Variants in CTNNA2 observed in about 807,000 individuals in gnomAD.
CTNNA2 encodes the protein catenin alpha 2, also known as catenin alpha-2.
CTNNA2 carries 42 observed loss-of-function variants against 101.0 expected under a neutral mutation model. The ratio of observed to expected loss-of-function variants is 0.42; its 90% CI spans 0.32 to 0.54. The LOEUF (loss-of-function observed/expected upper bound fraction) is 0.54. Ranked by LOEUF, CTNNA2 falls within the 20% of genes least tolerant of loss-of-function variation. The pLI is 0.14. For missense variants in CTNNA2, 871 were observed against 1,223.1 expected (o/e 0.71, Z 4.29); for synonymous variants, 450 against 456.4 (o/e 0.99, Z 0.18).
At chr2:79,221,604 AT>A (rs76220212) in intron 2 of CTNNA2, among the ~76,000 whole-genome samples, 108 of 148,518 alleles carry the variant, frequency 7.3e-4, no homozygotes, top group Middle Eastern at 3.6e-3. Context: ...AGCTTGGCAA[AT>A]TTTTTTTTTT....
chr2:80,584,419 A>G (rs972010201), intron 14 of CTNNA2, among the ~76,000 whole-genome samples: 2 of 100,130 alleles, frequency 2.0e-5, no homozygotes, highest in Admixed American at 2.5e-4. Context: ...ATTCTGAGGG[A>G]GAGGAGATAG....
chr2:79,329,775 T>A (rs1260173670), intron 3 of CTNNA2, among the ~76,000 whole-genome samples: 3 of 152,176 alleles, frequency 2.0e-5, no homozygotes, highest in African/African-American at 7.2e-5. Context: ...AAATAGGGAT[T>A]TGGGAAGTGT....
intron 9 of CTNNA2, among the ~76,000 whole-genome samples, chr2:80,472,059 A>G (rs576466728): frequency 6.6e-6 from 1 of 152,072 alleles, no homozygotes; most frequent in Admixed American, 6.6e-5. Context: ...TCTGGGAGGC[A>G]GAGGTTGCAG....
intron 2 of CTNNA2, among the ~76,000 whole-genome samples, chr2:79,250,251 CAA>C (rs1674753084): frequency 6.0e-5 from 1 of 16,650 alleles, no homozygotes; most frequent in Admixed American, 6.4e-4. Context: ...TTCTATTGTT[CAA>C]CAAGACTTAG....
At chr2:80,424,875 G>T (rs564094228) in intron 9 of CTNNA2, among the ~76,000 whole-genome samples, 7 of 152,314 alleles carry the variant, frequency 4.6e-5, no homozygotes, top group Admixed American at 3.3e-4. Flanking sequence ...TGGGGATGAA[G>T]CTCCAAGCTC....
At position 79,291,124 on chromosome 2, in the gene CTNNA2, GA is replaced by G. The variant is rs1558607736; in HGVS notation, c.-405-21584del. 2.0e-5 allele frequency among the ~76,000 whole-genome samples: 3 copies of G among 152,278 alleles called. No individual in the cohort carries two copies. The South Asian group carries it at 6.2e-4, about 32-fold the overall frequency. Reference sequence around the variant, plus strand: ...CCTCTGTCACACACTCTGTGAGGGGGATAAGGGAACTTTTCTCCTTTCACTA... The same window carrying G: ...CCTCTGTCACACACTCTGTGAGGGGGTAAGGGAACTTTTCTCCTTTCACTA... On this transcript the variant is annotated intron_variant, in intron 2 of 21. Coordinates refer to the CTNNA2 transcript ENST00000466387.
At chr2:79,290,517 T>A (rs1675772344) in intron 2 of CTNNA2, among the ~76,000 whole-genome samples, 1 of 152,024 alleles carries the variant, frequency 6.6e-6, no homozygotes, top group Non-Finnish European at 1.5e-5. Context: ...CCCCGTCGTG[T>A]GCCTATAAAA....
intron 7 of CTNNA2, among the ~76,000 whole-genome samples, chr2:80,201,011 G>C (rs1707171104): frequency 6.6e-6 from 1 of 151,994 alleles, no homozygotes; most frequent in Non-Finnish European, 1.5e-5. Context: ...ATATAAAATG[G>C]CAATCTCAAG....
At chr2:79,296,004 A>T (rs1465838747) in intron 2 of CTNNA2, among the ~76,000 whole-genome samples, 1 of 114,474 alleles carries the variant, frequency 8.7e-6, no homozygotes, top group African/African-American at 5.2e-5. Context: ...CAAAGGCAGA[A>T]ATTTTGTATT....
intron 14 of CTNNA2, chr2:80,586,630 A>G (rs913254036): frequency 2.0e-5 from 3 of 152,204 alleles, no homozygotes; most frequent in Non-Finnish European, 4.4e-5. Context: ...TGAACACAAC[A>G]TTGCAAATGT....
chr2:80,266,376 C>T (rs1373509893), intron 7 of CTNNA2, among the ~76,000 whole-genome samples: 1 of 152,176 alleles, frequency 6.6e-6, no homozygotes, highest in Non-Finnish European at 1.5e-5. Flanking sequence ...ATGTAGAGCA[C>T]CAGATGGTGG....
At chr2:80,601,417 C>CTTTTTTTTTT (rs375645223) in intron 15 of CTNNA2, among the ~76,000 whole-genome samples, 2,901 of 92,074 alleles carry the variant, frequency 0.032, 191 homozygotes, top group Middle Eastern at 0.052. Context: ...TTCTTTCTTT[C>CTTTTTTTTTT]TTTCTTTTTT....
At chr2:80,150,760 T>G (rs976574881) in intron 7 of CTNNA2, among the ~76,000 whole-genome samples, 21 of 152,174 alleles carry the variant, frequency 1.4e-4, no homozygotes, top group Non-Finnish European at 1.5e-5. Context: ...GAACAAAAAC[T>G]TCACCTGTTT....
At chr2:79,616,620 C>T (rs1309215115) in intron 1 of CTNNA2, among the ~76,000 whole-genome samples, 4 of 152,186 alleles carry the variant, frequency 2.6e-5, no homozygotes, top group African/African-American at 9.7e-5. Context: ...TTCTAATTCA[C>T]CTACTCATGC....
chr2:80,414,557 A>C (rs779934476), intron 8 of CTNNA2, among the ~76,000 whole-genome samples: 2 of 152,136 alleles, frequency 1.3e-5, no homozygotes, highest in Non-Finnish European at 2.9e-5. Context: ...TGGCCAAAAC[A>C]CTTGTTTTCA....
chr2:80,133,594 A>G (rs967769026), intron 7 of CTNNA2, among the ~76,000 whole-genome samples: 4 of 152,200 alleles, frequency 2.6e-5, no homozygotes, highest in South Asian at 2.1e-4. Flanking sequence ...AGAAAAGTCA[A>G]TTGAACCTCT....
At chr2:79,770,211 G>A (rs1043730516) in intron 3 of CTNNA2, among the ~76,000 whole-genome samples, 4 of 152,138 alleles carry the variant, frequency 2.6e-5, no homozygotes, top group Admixed American at 2.0e-4. Flanking sequence ...AGCCTAAAAG[G>A]TCAATAATGC....
At chr2:79,430,493 C>G (rs1474563488) in intron 4 of CTNNA2, among the ~76,000 whole-genome samples, 1 of 152,062 alleles carries the variant, frequency 6.6e-6, no homozygotes, top group Non-Finnish European at 1.5e-5. Context: ...ACTTCCAAAA[C>G]CAAACAACAA....
At chr2:79,687,446 T>A in intron 2 of CTNNA2, 1 of 474,912 alleles carries the variant, frequency 2.1e-6, no homozygotes, top group Non-Finnish European at 3.8e-6. Context: ...TGGATCTGCT[T>A]TTTTTTTTTT....
Sources: gnomAD v4.1 joint callset for allele counts (sites outside exome capture counted in the v4.1 genomes callset) on GRCh38, gnomAD v4.1.1 for gene constraint, MANE v1.5 for transcripts, NCBI Gene and HGNC (gene_info 2026-07-23, HGNC 2026-07-21) for gene names.